The following SVEP1 variants were observed in gnomAD, a reference collection of about 807,000 sequenced individuals.
The protein encoded by SVEP1 is sushi, von Willebrand factor type A, EGF and pentraxin domain containing 1, also known as sushi, von Willebrand factor type A, EGF and pentraxin domain-containing protein 1.
A neutral mutation model predicts 367.3 loss-of-function variants in SVEP1; 164 were observed. That is an observed-to-expected ratio of 0.45 (90% confidence interval 0.39 to 0.51). SVEP1 has a LOEUF of 0.51. Ranked by LOEUF, SVEP1 falls within the 20% of genes least tolerant of loss-of-function variation. The pLI is 0.00. For missense variants in SVEP1, 4,117 were observed against 4,425.3 expected (o/e 0.93, Z 1.98); for synonymous variants, 1,666 against 1,611.6 (o/e 1.03, Z -0.81).
rs1827361398 is a variant in SVEP1, at chr9:110,377,141, T to C, written c.10504+130A>G. ...ACCTGTTGACACATATGTGCTCTGT[T>C]TGGTGTGGACAAGGACTTACAGCAA... On this transcript the variant is annotated intron_variant, in intron 45 of 47. Transcript: ENST00000374469. 4.5e-6 allele frequency: 3 copies of C among 674,118 alleles called. No homozygotes were observed. The African/African-American group carries it at 5.3e-5, about 12-fold the overall frequency. 41.8% of individuals were successfully genotyped at this position (674,118 alleles called of 1,614,324 possible).
intron 18 of SVEP1, among the ~76,000 whole-genome samples, chr9:110,460,158 A>G (rs750856079): frequency 1.3e-5 from 2 of 152,084 alleles, no homozygotes; most frequent in African/African-American, 4.8e-5. Flanking sequence ...TTGTAATTTG[A>G]TTTTTTGACA....
chr9:110,530,001 A>T (rs2118814808), intron 3 of SVEP1, among the ~76,000 whole-genome samples: 1 of 84,176 alleles, frequency 1.2e-5, no homozygotes, highest in South Asian at 3.9e-4. Flanking sequence ...TTTATCACAT[A>T]TGGCTTTTAT....
At position 110,395,023 on chromosome 9, in the gene SVEP1, G is replaced by T. The variant is rs1203540140; in HGVS notation, c.9823-5436C>A. On this transcript the variant is annotated intron_variant, in intron 40 of 47. Transcript: ENST00000374469. ...AGACCACCACAAAGATACTCCTTGA[G>T]AAGAGCAACTCCAAGACACATAATT... is the stretch of plus-strand genomic sequence containing the variant. Among the ~76,000 whole-genome samples the T allele has an allele frequency of 2.0e-5, 3 of 152,144 alleles. No homozygotes were observed. The South Asian group carries it at 6.2e-4, about 31-fold the overall frequency.
chr9:110,456,213 T>C (rs1263373535), intron 21 of SVEP1, among the ~76,000 whole-genome samples: 1 of 152,182 alleles, frequency 6.6e-6, no homozygotes, highest in Non-Finnish European at 1.5e-5. Context: ...CAGCATTACC[T>C]GGGAATGCAA....
intron 39 of SVEP1, among the ~76,000 whole-genome samples, chr9:110,403,245 G>A (rs1827889817): frequency 6.8e-6 from 1 of 147,782 alleles, no homozygotes. Context: ...AGAAGGGGAT[G>A]GGCTAGGAAA....
chr9:110,396,832 G>A (rs1588032355), intron 40 of SVEP1, among the ~76,000 whole-genome samples: 1 of 152,158 alleles, frequency 6.6e-6, no homozygotes, highest in Non-Finnish European at 1.5e-5. Flanking sequence ...AACAGGCTCT[G>A]AAATTGAGGC....
In SVEP1 at chr9:110,404,364, C is replaced by T; in HGVS notation, c.9629G>A (p.Gly3210Glu). The part of the protein sequence containing the change: ...NRQVSVSCAE[G>E]YTFEGVNISV... ...TATGTTAACTCCCTCAAAGGTATAC[C>T]CTTCTGCACATGACACAGAAACTTG... Residue 3210 changes from glycine (G) to glutamate (E), a missense_variant, in exon 39 of 48, where the codon GGG (glycine) becomes GAG (glutamate). Physicochemically the swap from Gly to Glu is moderately conservative, Grantham distance 98. Around this residue, in one of 4 missense-constraint regions of SVEP1, gnomAD observed 1,765 missense variants for 1,781.1 expected, o/e 0.99. Transcript: ENST00000374469. The T allele has an allele frequency of 6.2e-7, 1 of 1,613,886 alleles. No individual in the cohort carries two copies. Among genetic ancestry groups the T allele is most frequent in the Non-Finnish European group, 8.5e-7 (1 of 1,179,876 alleles).
chr9:110,551,305 A>G (rs937269427), intron 1 of SVEP1, among the ~76,000 whole-genome samples: 12 of 152,240 alleles, frequency 7.9e-5, no homozygotes, highest in African/African-American at 2.9e-4. Flanking sequence ...TCATGTCCGT[A>G]GAAAGCAATC....
At chr9:110,539,733 A>G (rs1250504661) in intron 3 of SVEP1, among the ~76,000 whole-genome samples, 2 of 151,796 alleles carry the variant, frequency 1.3e-5, no homozygotes, top group Non-Finnish European at 2.9e-5. Flanking sequence ...ACCCTTGCAC[A>G]GAGGGGCCAT....
At chr9:110,391,049 T>A (rs7847526) in intron 40 of SVEP1, among the ~76,000 whole-genome samples, 1 of 152,046 alleles carries the variant, frequency 6.6e-6, no homozygotes, top group Non-Finnish European at 1.5e-5. Context: ...TTAAAAATTA[T>A]AACCATAACA....
At chr9:110,488,893 A>C (rs993748728) in intron 9 of SVEP1, among the ~76,000 whole-genome samples, 9 of 152,104 alleles carry the variant, frequency 5.9e-5, no homozygotes, top group African/African-American at 2.2e-4. Context: ...AAAATTAAAT[A>C]AATGTAAAAT....
intron 27 of SVEP1, among the ~76,000 whole-genome samples, chr9:110,440,390 T>C (rs1056456624): frequency 6.6e-6 from 1 of 152,224 alleles, no homozygotes; most frequent in South Asian, 2.1e-4. Flanking sequence ...TTCTTCTGAC[T>C]CATCCTTCAA....
Position 110,457,299 on chromosome 9 carries a change from T to G in SVEP1, c.3630A>C (p.Gln1210His), listed in dbSNP as rs373346470. 1.2e-6 allele frequency: 2 copies of G among 1,612,814 alleles called. No homozygotes were observed. Among genetic ancestry groups the G allele is most frequent in the Non-Finnish European group, 1.7e-6 (2 of 1,179,654 alleles). Residue 1210 changes from glutamine to histidine, a missense_variant, in exon 21 of 48, where the codon CAA (glutamine) becomes CAC (histidine). This residue lies in a region of SVEP1 where 2,174 missense variants were observed against 2,494.3 expected (regional missense o/e 0.87). Coordinates refer to ENST00000374469, the MANE Select transcript of SVEP1 (RefSeq NM_153366.4). ...AGAGACAAACATAACCACGCCCAAG[T>G]TGCTGGCAGGTTCCACTATTGTGGC... Reference protein sequence around the residue: ...NPCHNSGTCQQLGRGYVCLCP... With the variant: ...NPCHNSGTCQHLGRGYVCLCP...
intron 8 of SVEP1, among the ~76,000 whole-genome samples, chr9:110,493,742 CAAT>C (rs1829405226): frequency 6.6e-6 from 1 of 151,950 alleles, no homozygotes; most frequent in African/African-American, 2.4e-5. Flanking sequence ...AACAAACAAA[CAAT>C]CAAAAAGCAA....
intron 27 of SVEP1, among the ~76,000 whole-genome samples, chr9:110,437,279 C>G (rs1334051095): frequency 6.6e-6 from 1 of 152,182 alleles, no homozygotes; most frequent in Non-Finnish European, 1.5e-5. Context: ...CTGAAGAGAT[C>G]AGAGGATTCT....
At chr9:110,556,505 G>GT (rs1156347100) in intron 1 of SVEP1, among the ~76,000 whole-genome samples, 3 of 152,082 alleles carry the variant, frequency 2.0e-5, no homozygotes, top group Non-Finnish European at 2.9e-5. Flanking sequence ...GTTTTGTTCT[G>GT]TTTTTTTGAG....
intron 1 of SVEP1, among the ~76,000 whole-genome samples, chr9:110,567,294 A>G (rs982646008): frequency 2.0e-5 from 3 of 152,192 alleles, no homozygotes; most frequent in Non-Finnish European, 2.9e-5. Context: ...CATCTCTGTA[A>G]TTTCCTTATC....
At chr9:110,415,914 A>G (rs1201407355) in intron 36 of SVEP1, among the ~76,000 whole-genome samples, 1 of 152,032 alleles carries the variant, frequency 6.6e-6, no homozygotes, top group Non-Finnish European at 1.5e-5. Context: ...GAGTTAAAAT[A>G]GCAATAGTGG....
intron 43 of SVEP1, among the ~76,000 whole-genome samples, chr9:110,383,439 C>T: frequency 6.6e-6 from 1 of 152,070 alleles, no homozygotes; most frequent in African/African-American, 2.4e-5. Flanking sequence ...TGGCTGCCTG[C>T]TCTTTCCTCT....
Sources: allele counts gnomAD v4.1 joint callset (sites outside exome capture counted in the v4.1 genomes callset), GRCh38; gene constraint gnomAD v4.1.1; regional missense constraint gnomAD v4.1.1; transcripts MANE v1.5; gene names NCBI Gene and HGNC (gene_info 2026-07-23, HGNC 2026-07-21).